GMDS: variants seen among roughly 807,000 people sequenced by gnomAD.
GMDS encodes GDP-mannose 4,6-dehydratase.
Under a neutral mutation model 49.9 loss-of-function variants are expected in GMDS, and 20 were observed. That is an observed-to-expected ratio of 0.40 (90% CI 0.28 to 0.58). GMDS has a LOEUF of 0.58. Among genes scored for constraint, GMDS ranks in the 20% least tolerant of loss-of-function variants. GMDS has a pLI of 0.42. For synonymous variants in GMDS, 177 were observed against 178.6 expected, an observed-to-expected ratio of 0.99 and a Z score of 0.07; for missense variants, 362 against 481.4, an observed-to-expected ratio of 0.75 and a Z score of 2.32.
intron 7 of GMDS, among the ~76,000 whole-genome samples, chr6:1,751,017 T>C (rs1767701579): frequency 6.6e-6 from 1 of 152,160 alleles, no homozygotes; most frequent in African/African-American, 2.4e-5. Context: ...AGACTGCCTC[T>C]CTAGATTCCT....
chr6:1,754,426 T>C (rs1767860091), intron 7 of GMDS, among the ~76,000 whole-genome samples: 1 of 152,158 alleles, frequency 6.6e-6, no homozygotes, highest in South Asian at 2.1e-4. Flanking sequence ...CCAGATGGAT[T>C]CACAGCCGAA....
At chr6:1,779,634 C>T (rs182283190) in intron 7 of GMDS, among the ~76,000 whole-genome samples, 11 of 152,266 alleles carry the variant, frequency 7.2e-5, no homozygotes, top group South Asian at 2.1e-4. Flanking sequence ...ACCCCAAAAG[C>T]GCTCTTGTGT....
intron 7 of GMDS, among the ~76,000 whole-genome samples, chr6:1,807,230 C>T (rs1004447193): frequency 7.2e-5 from 11 of 152,196 alleles, no homozygotes; most frequent in East Asian, 5.8e-4. Context: ...TTTGTAAAGA[C>T]GAGGTCTTGC....
At chr6:1,718,479 T>C (rs982152740) in intron 9 of GMDS, among the ~76,000 whole-genome samples, 1 of 152,158 alleles carries the variant, frequency 6.6e-6, no homozygotes, top group Non-Finnish European at 1.5e-5. Context: ...TCCACTCTGA[T>C]TCCATGGTCT....
chr6:1,950,875 G>C (rs1035173467), intron 6 of GMDS, among the ~76,000 whole-genome samples: 1 of 151,686 alleles, frequency 6.6e-6, no homozygotes, highest in Non-Finnish European at 1.5e-5. Flanking sequence ...GAGCCATCCC[G>C]TGCACACCAC....
intron 6 of GMDS, among the ~76,000 whole-genome samples, chr6:1,957,424 G>C (rs936073816): frequency 6.6e-6 from 1 of 152,142 alleles, no homozygotes; most frequent in African/African-American, 2.4e-5. Flanking sequence ...TAATGATCAA[G>C]TTTTAAGAAA....
At position 2,209,078 on chromosome 6, in the gene GMDS, C is replaced by T. The variant is rs563892789; in HGVS notation, c.102+36243G>A. 7.9e-5 allele frequency among the ~76,000 whole-genome samples: 12 copies of T among 152,184 alleles called. No homozygotes were observed. The East Asian group carries it at 2.1e-3, about 27-fold the overall frequency. ...GCACATGGTTAAGTGTTCAGCAGGG[C>T]ATTGCAAAATAAAAAAAGAAATCAA... On this transcript the variant is annotated intron_variant, in intron 1 of 10. Transcript: ENST00000380815.
intron 6 of GMDS, among the ~76,000 whole-genome samples, chr6:1,931,400 C>T (rs1040503841): frequency 1.3e-5 from 2 of 152,212 alleles, no homozygotes; most frequent in South Asian, 2.1e-4. Context: ...AAACTTGATA[C>T]GTACATTTAT....
Position 1,747,111 on chromosome 6 carries a change from A to G in GMDS, c.772-4525T>C, listed in dbSNP as rs1168999585. ...TGGTTTGGGAGGCTCAGGAAGGGCC[A>G]CTCCCCTGCTTGGGAAGCTGCCAGC... is the stretch of plus-strand genomic sequence containing the variant. On this transcript the variant is annotated intron_variant, in intron 7 of 10. Transcript: ENST00000380815. Among the ~76,000 whole-genome samples, 4 of 152,068 alleles carry G rather than the reference A, an allele frequency of 2.6e-5. No homozygotes were observed. The East Asian group carries it at 7.7e-4, about 29-fold the overall frequency.
intron 9 of GMDS, among the ~76,000 whole-genome samples, chr6:1,632,896 G>T (rs781208839): frequency 6.6e-5 from 10 of 152,174 alleles, no homozygotes; most frequent in Non-Finnish European, 1.3e-4. Context: ...AGAAAAATTC[G>T]TGGACACAAC....
intron 4 of GMDS, among the ~76,000 whole-genome samples, chr6:1,972,138 C>T (rs1457877603): frequency 2.6e-5 from 4 of 152,046 alleles, no homozygotes; most frequent in Non-Finnish European, 4.4e-5. Flanking sequence ...ACCTCTGGTG[C>T]CATTCCTGAA....
intron 4 of GMDS, among the ~76,000 whole-genome samples, chr6:2,105,026 C>T (rs911463543): frequency 7.9e-5 from 12 of 151,450 alleles, no homozygotes; most frequent in African/African-American, 1.9e-4. Context: ...ACCAAAAACA[C>T]AAAAAATTAG....
intron 1 of GMDS, among the ~76,000 whole-genome samples, chr6:2,199,309 T>C (rs576505522): frequency 2.0e-4 from 31 of 152,354 alleles, no homozygotes; most frequent in Non-Finnish European, 3.4e-4. Context: ...CTGTTGGACC[T>C]TAACAGGAAC....
intron 7 of GMDS, among the ~76,000 whole-genome samples, chr6:1,784,221 G>A (rs191770973): frequency 9.9e-5 from 15 of 151,778 alleles, no homozygotes; most frequent in African/African-American, 3.6e-4. Context: ...GTGAAACCCC[G>A]TCTCTACTGA....
intron 7 of GMDS, among the ~76,000 whole-genome samples, chr6:1,760,195 C>T (rs1270281521): frequency 6.6e-6 from 1 of 152,164 alleles, no homozygotes; most frequent in East Asian, 1.9e-4. Flanking sequence ...GCGAGGTGCC[C>T]TGAGGCTCCT....
At chr6:1,953,866 C>T (rs1413262162) in intron 6 of GMDS, among the ~76,000 whole-genome samples, 1 of 152,044 alleles carries the variant, frequency 6.6e-6, no homozygotes, top group Non-Finnish European at 1.5e-5. Flanking sequence ...TAGTTCACAA[C>T]TTATATAATA....
chr6:1,890,664 G>C (rs1345934191), intron 7 of GMDS, among the ~76,000 whole-genome samples: 1 of 152,160 alleles, frequency 6.6e-6, no homozygotes, highest in African/African-American at 2.4e-5. Flanking sequence ...AGTTCAAGAA[G>C]AGTATCTCTC....
intron 7 of GMDS, among the ~76,000 whole-genome samples, chr6:1,854,552 G>A (rs780592463): frequency 1.3e-5 from 2 of 152,180 alleles, no homozygotes; most frequent in Non-Finnish European, 2.9e-5. Flanking sequence ...CACAACTGGG[G>A]CTGTCTGGGT....
At chr6:1,937,005 T>C (rs1448139213) in intron 6 of GMDS, among the ~76,000 whole-genome samples, 2 of 150,778 alleles carry the variant, frequency 1.3e-5, no homozygotes, top group African/African-American at 2.4e-5. Flanking sequence ...AGCTGCCCAA[T>C]ACAGGCATAT....
Sources: gnomAD v4.1 joint callset for allele counts (sites outside exome capture counted in the v4.1 genomes callset) on GRCh38, gnomAD v4.1.1 for gene constraint, MANE v1.5 for transcripts, NCBI Gene and HGNC (gene_info 2026-07-23, HGNC 2026-07-21) for gene names.